The following UBE2E2 variants were observed in gnomAD, a reference collection of about 807,000 sequenced individuals.
UBE2E2 encodes ubiquitin-conjugating enzyme E2 E2.
In UBE2E2, 6 loss-of-function variants were observed where a neutral mutation model predicts 24.7. The observed-to-expected ratio is 0.24, with a 90% CI of 0.13 to 0.48. UBE2E2 has a LOEUF of 0.48. Ranked by LOEUF, UBE2E2 falls within the 20% of genes least tolerant of loss-of-function variation. The pLI, the probability that UBE2E2 is intolerant of heterozygous loss-of-function variation, is 0.99. For synonymous variants in UBE2E2, 104 were observed against 83.6 expected (o/e 1.24, Z -1.33); for missense variants, 169 against 245.0 (o/e 0.69, Z 2.07).
chr3:23,208,660 C>T, intron 1 of UBE2E2, 32 bp from the exon 2 acceptor site: 1 of 1,562,008 alleles, frequency 6.4e-7, no homozygotes, highest in Admixed American at 1.9e-5. Context: ...TGTAGTACAG[C>T]TAAATAAATG....
intron 4 of UBE2E2, among the ~76,000 whole-genome samples, chr3:23,527,619 C>G (rs1045433273): frequency 6.6e-6 from 1 of 152,060 alleles, no homozygotes; most frequent in Non-Finnish European, 1.5e-5. Flanking sequence ...ACTTTCAGCC[C>G]CTTTCCCCTA....
At chr3:23,522,203 T>C (rs1479271929) in intron 4 of UBE2E2, among the ~76,000 whole-genome samples, 2 of 147,960 alleles carry the variant, frequency 1.4e-5, no homozygotes, top group Non-Finnish European at 1.5e-5. Flanking sequence ...CGATCTCAGC[T>C]CACTGCAAGC....
chr3:23,390,875 C>G (rs1013746094), intron 3 of UBE2E2, among the ~76,000 whole-genome samples: 3 of 152,142 alleles, frequency 2.0e-5, no homozygotes, highest in Non-Finnish European at 4.4e-5. Context: ...TATATCTTTG[C>G]TTTTGGCGTT....
At chr3:23,276,727 A>G (rs1313169628) in intron 3 of UBE2E2, among the ~76,000 whole-genome samples, 2 of 152,104 alleles carry the variant, frequency 1.3e-5, no homozygotes, top group Non-Finnish European at 2.9e-5. Flanking sequence ...AAAAAATAAA[A>G]TAGAAAGTTA....
At chr3:23,417,536 G>A (rs1306801689) in intron 3 of UBE2E2, among the ~76,000 whole-genome samples, 1 of 152,324 alleles carries the variant, frequency 6.6e-6, no homozygotes, top group Admixed American at 6.5e-5. Context: ...GTTGGGTCAG[G>A]GACCCACTTG....
intron 3 of UBE2E2, among the ~76,000 whole-genome samples, chr3:23,236,101 GT>G (rs1415803032): frequency 1.3e-5 from 2 of 152,110 alleles, no homozygotes; most frequent in Admixed American, 1.3e-4. Context: ...GTCCTAAGGA[GT>G]TTGCCATCTA....
chr3:23,208,658 A>T (rs115166546), intron 1 of UBE2E2, 34 bp from the exon 2 acceptor site: 1 of 1,558,314 alleles, frequency 6.4e-7, no homozygotes, highest in Admixed American at 1.9e-5. Context: ...ACTGTAGTAC[A>T]GCTAAATAAA....
intron 3 of UBE2E2, among the ~76,000 whole-genome samples, chr3:23,442,180 AACAG>A (rs1329550996): frequency 6.6e-5 from 10 of 152,214 alleles, no homozygotes; most frequent in African/African-American, 1.7e-4. Context: ...TATTAACTGA[AACAG>A]ACAGGAAATC....
At position 23,474,103 on chromosome 3, in the gene UBE2E2, G is replaced by A. The variant is rs369996671; in HGVS notation, c.228-25505G>A. 1.3e-5 allele frequency among the ~76,000 whole-genome samples: 2 copies of A among 151,800 alleles called. No homozygotes were observed. The highest frequency in any genetic ancestry group is 2.9e-5 in the Non-Finnish European group (2 of 67,958). On this transcript the variant is annotated intron_variant, in intron 3 of 5. Coordinates refer to ENST00000396703, the MANE Select transcript of UBE2E2 (RefSeq NM_152653.4). This position sits in a 1 kb window ranked among gnomAD's most constrained non-coding sequence, Gnocchi z 4.0. ...TTTTTTGCGGGAGTAAGATGGTATC[G>A]CATTGTGGTTTTGATTTGCATTTCC...
At chr3:23,315,447 A>ATGTC (rs1423535128) in intron 3 of UBE2E2, among the ~76,000 whole-genome samples, 2 of 152,082 alleles carry the variant, frequency 1.3e-5, no homozygotes, top group Non-Finnish European at 1.5e-5. Context: ...TTTTTCAACT[A>ATGTC]CAGGATTTCT....
At chr3:23,514,177 C>G (rs1022308008) in intron 4 of UBE2E2, among the ~76,000 whole-genome samples, 2 of 152,152 alleles carry the variant, frequency 1.3e-5, no homozygotes, top group Non-Finnish European at 2.9e-5. Context: ...TTCATGTGGT[C>G]AATACCTTCT....
intron 3 of UBE2E2, among the ~76,000 whole-genome samples, chr3:23,362,472 G>A (rs1696144329): frequency 6.6e-6 from 1 of 152,212 alleles, no homozygotes; most frequent in South Asian, 2.1e-4. Flanking sequence ...GGAGCAGTAA[G>A]ATTACACCAC....
At chr3:23,278,149 A>G (rs1486609672) in intron 3 of UBE2E2, among the ~76,000 whole-genome samples, 3 of 152,140 alleles carry the variant, frequency 2.0e-5, no homozygotes, top group Non-Finnish European at 4.4e-5. Context: ...TGCTTTTCAG[A>G]GAGCAATTTT....
chr3:23,445,594 A>G lies in UBE2E2; in HGVS notation c.228-54014A>G, dbSNP rs566677200. 4.7e-4 allele frequency among the ~76,000 whole-genome samples: 71 copies of G among 152,312 alleles called. 1 individual carries two copies. Among genetic ancestry groups the G allele is most frequent in the African/African-American group, 1.7e-3 (69 of 41,566 alleles). On this transcript the variant is annotated intron_variant, in intron 3 of 5. Coordinates refer to ENST00000396703, the MANE Select transcript of UBE2E2 (RefSeq NM_152653.4). ...AGGCTGCAGTGCAACAGCAGTTCATATTTGGCTAGATCGGAAATCCTTTTT... is the reference window on the plus strand; with the variant it reads ...AGGCTGCAGTGCAACAGCAGTTCATGTTTGGCTAGATCGGAAATCCTTTTT...
chr3:23,562,783 C>T (rs994922119), intron 5 of UBE2E2, among the ~76,000 whole-genome samples: 11 of 152,122 alleles, frequency 7.2e-5, no homozygotes, highest in African/African-American at 2.7e-4. Flanking sequence ...CAGCTTCTTC[C>T]TGGTTTAGTC....
Position 23,440,354 on chromosome 3 carries a change from C to T in UBE2E2, c.228-59254C>T, listed in dbSNP as rs571527186. On this transcript the variant is annotated intron_variant, in intron 3 of 5. Coordinates refer to ENST00000396703, the MANE Select transcript of UBE2E2 (RefSeq NM_152653.4). ...AACTCCTGGACTCAAGCAATCCTTG[C>T]ATCTCGTCCTCCCAAAGTGCTGAGA... 2.6e-5 allele frequency among the ~76,000 whole-genome samples: 4 copies of T among 152,314 alleles called. No homozygotes were observed. The East Asian group carries it at 7.7e-4, about 29-fold the overall frequency.
intron 3 of UBE2E2, among the ~76,000 whole-genome samples, chr3:23,466,046 A>T (rs1040516392): frequency 6.6e-6 from 1 of 152,184 alleles, no homozygotes; most frequent in Admixed American, 6.5e-5. Flanking sequence ...CTATAAAGAT[A>T]TCATCCAAAA....
At chr3:23,228,765 G>A (rs1313463657) in intron 3 of UBE2E2, among the ~76,000 whole-genome samples, 5 of 152,104 alleles carry the variant, frequency 3.3e-5, no homozygotes, top group African/African-American at 7.2e-5. Flanking sequence ...ATCTCAATCC[G>A]TATTTGTGTA....
At chr3:23,309,798 AT>A (rs1462244410) in intron 3 of UBE2E2, among the ~76,000 whole-genome samples, 1 of 152,106 alleles carries the variant, frequency 6.6e-6, no homozygotes, top group African/African-American at 2.4e-5. Flanking sequence ...TGCCAGGTTG[AT>A]GCTGGTTTTT....
Sources: allele counts gnomAD v4.1 joint callset (sites outside exome capture counted in the v4.1 genomes callset), GRCh38; gene constraint gnomAD v4.1.1; non-coding constraint Gnocchi (gnomAD v3.1); transcripts MANE v1.5; gene names NCBI Gene and HGNC (gene_info 2026-07-23, HGNC 2026-07-21).